The following CSMD1 variants were observed in gnomAD, a reference collection of about 807,000 sequenced individuals.
CSMD1 encodes CUB and Sushi multiple domains 1.
In CSMD1, 213 loss-of-function variants were observed where a neutral mutation model predicts 417.5. The ratio of observed to expected loss-of-function variants is 0.51; its 90% CI spans 0.46 to 0.57. The LOEUF (loss-of-function observed/expected upper bound fraction) is 0.57, where lower values mean the gene tolerates loss of function less well. CSMD1 is among the 20% of genes least tolerant of loss of function. The pLI is 0.00. For synonymous variants in CSMD1, 2,862 were observed against 1,736.8 expected (o/e 1.65, Z -16.11); for missense variants, 6,923 against 4,529.7 (o/e 1.53, Z -15.17).
intron 5 of CSMD1, among the ~76,000 whole-genome samples, chr8:3,843,000 T>C (rs1803234606): frequency 6.6e-6 from 1 of 152,220 alleles, no homozygotes; most frequent in South Asian, 2.1e-4. Context: ...GTTTGATTTC[T>C]AAAGCAACCC....
At chr8:4,948,458 T>C (rs1010310649) in intron 1 of CSMD1, among the ~76,000 whole-genome samples, 1 of 152,064 alleles carries the variant, frequency 6.6e-6, no homozygotes, top group South Asian at 2.1e-4. Context: ...TTCTTTCTTA[T>C]CCAGTAATCT....
intron 3 of CSMD1, among the ~76,000 whole-genome samples, chr8:4,186,580 G>C (rs764501465): frequency 2.6e-5 from 4 of 152,184 alleles, no homozygotes; most frequent in Admixed American, 6.5e-5. Flanking sequence ...AAGGGTCTCA[G>C]CATTGCTAAT....
chr8:3,572,097 T>C (rs1799968384), intron 10 of CSMD1, among the ~76,000 whole-genome samples: 1 of 152,176 alleles, frequency 6.6e-6, no homozygotes, highest in Non-Finnish European at 1.5e-5. Context: ...TTTGGCTCCA[T>C]CCTGCTAGGG....
intron 5 of CSMD1, among the ~76,000 whole-genome samples, chr8:3,780,144 G>A (rs899282045): frequency 6.6e-6 from 1 of 152,188 alleles, no homozygotes; most frequent in Non-Finnish European, 1.5e-5. Flanking sequence ...TGCCATCGGG[G>A]TGAAACATAG....
intron 3 of CSMD1, among the ~76,000 whole-genome samples, chr8:4,385,778 G>A (rs948496603): frequency 2.6e-5 from 4 of 151,968 alleles, no homozygotes; most frequent in African/African-American, 9.7e-5. Context: ...TGTAATGGTT[G>A]TTTGTATTTG....
At chr8:4,527,306 T>C (rs890788588) in intron 2 of CSMD1, among the ~76,000 whole-genome samples, 2 of 152,206 alleles carry the variant, frequency 1.3e-5, no homozygotes, top group African/African-American at 4.8e-5. Flanking sequence ...GTAGCTGGTA[T>C]ATTGTTATAT....
chr8:4,079,713 G>C (rs1800022143), intron 3 of CSMD1, among the ~76,000 whole-genome samples: 2 of 152,184 alleles, frequency 1.3e-5, no homozygotes, highest in South Asian at 2.1e-4. Context: ...TCTTTCCATA[G>C]TATGAATAGC....
chr8:3,460,249 A>C (rs1383486514), intron 12 of CSMD1, among the ~76,000 whole-genome samples: 1 of 152,164 alleles, frequency 6.6e-6, no homozygotes, highest in Non-Finnish European at 1.5e-5. Flanking sequence ...GAGTCCATAG[A>C]AGAATGATCC....
chr8:3,176,553 T>G lies in CSMD1; in HGVS notation c.5725+4557A>C, dbSNP rs1226455942. Among the ~76,000 whole-genome samples the G allele has an allele frequency of 3.9e-5, 6 of 152,248 alleles. No individual in the cohort carries two copies. The East Asian group carries it at 1.2e-3, about 29-fold the overall frequency. Reference sequence around the variant, plus strand: ...TCTCTAGAGTAATTTTAAAACCTACTAGAGAAATTTTCAGATCCTTACATT... The same window carrying G: ...TCTCTAGAGTAATTTTAAAACCTACGAGAGAAATTTTCAGATCCTTACATT... On this transcript the variant is annotated intron_variant, in intron 37 of 69. Coordinates refer to ENST00000635120, the MANE Select transcript of CSMD1 (RefSeq NM_033225.6).
intron 7 of CSMD1, among the ~76,000 whole-genome samples, chr8:3,624,266 G>A (rs937694100): frequency 6.6e-6 from 1 of 152,114 alleles, no homozygotes; most frequent in East Asian, 1.9e-4. Context: ...CCATCTGTTA[G>A]CAAATTTCCT....
chr8:4,786,278 C>G (rs1227272346), intron 1 of CSMD1, among the ~76,000 whole-genome samples: 1 of 152,062 alleles, frequency 6.6e-6, no homozygotes, highest in East Asian at 1.9e-4. Context: ...TTTCTTCTTT[C>G]TTTGTTCTAG....
rs893604323 is a variant in CSMD1 at position 3,223,770 on chromosome 8, T to C, written c.4443A>G (p.Val1481=). ...YPPGKECDWR[V]KVNPDFVIAL... ...CGATGACAAAGTCCGGGTTCACTTT[T>C]ACTCTCCAGTCACATTCCTTCCCAG... Residue 1481 remains valine (V), a synonymous_variant, in exon 28 of 70, where the codon GTA becomes GTG. Transcript: ENST00000635120. The C allele has an allele frequency of 6.2e-7, 1 of 1,613,962 alleles. No individual in the cohort carries two copies. The highest frequency in any genetic ancestry group is 8.5e-7 in the Non-Finnish European group (1 of 1,179,846).
chr8:3,243,087 G>C (rs1354814383), intron 26 of CSMD1, among the ~76,000 whole-genome samples: 5 of 152,176 alleles, frequency 3.3e-5, no homozygotes, highest in African/African-American at 1.2e-4. Context: ...AGAAGGGAGA[G>C]ATTGAAGGGT....
chr8:3,134,912 G>A lies in CSMD1; in HGVS notation c.6241+7553C>T, dbSNP rs554801420. On this transcript the variant is annotated intron_variant, in intron 41 of 69. Transcript: ENST00000635120. Reference sequence around the variant, plus strand: ...GTGGCGCAGAGTGAGCACACCATACGTAACAGTTATTATTGTCATTATTAT... The same window carrying A: ...GTGGCGCAGAGTGAGCACACCATACATAACAGTTATTATTGTCATTATTAT... 1.1e-4 allele frequency among the ~76,000 whole-genome samples: 17 copies of A among 152,250 alleles called. 1 individual carries two copies. The South Asian group carries it at 3.1e-3, about 28-fold the overall frequency.
chr8:4,494,783 C>G (rs768132655), intron 2 of CSMD1, among the ~76,000 whole-genome samples: 37 of 152,062 alleles, frequency 2.4e-4, no homozygotes, highest in Non-Finnish European at 5.0e-4. Context: ...ATGATTATAT[C>G]TTTCTATAAT....
chr8:3,919,073 A>T (rs1189485912), intron 5 of CSMD1, among the ~76,000 whole-genome samples: 1 of 151,462 alleles, frequency 6.6e-6, no homozygotes, highest in African/African-American at 2.4e-5. Flanking sequence ...CTCCCATTCC[A>T]TAGGGTGATT....
intron 49 of CSMD1, among the ~76,000 whole-genome samples, 178 bp downstream of exon 49, chr8:3,086,919 A>C (rs1279651833): frequency 6.6e-6 from 1 of 152,312 alleles, no homozygotes; most frequent in Non-Finnish European, 1.5e-5. Context: ...AGGCTATACA[A>C]CTACATGTCA....
chr8:4,041,026 T>A (rs1424492688), intron 3 of CSMD1, among the ~76,000 whole-genome samples: 1 of 144,192 alleles, frequency 6.9e-6, no homozygotes, highest in Non-Finnish European at 1.5e-5. Flanking sequence ...CCTTTTTTTT[T>A]TTTTTTTTGA....
chr8:4,960,877 A>T (rs1809431084), intron 1 of CSMD1, among the ~76,000 whole-genome samples: 1 of 152,168 alleles, frequency 6.6e-6, no homozygotes, highest in Non-Finnish European at 1.5e-5. Flanking sequence ...TTATTTTTAA[A>T]AGATTCCTCA....
Sources: gnomAD v4.1 joint callset for allele counts (sites outside exome capture counted in the v4.1 genomes callset) on GRCh38, gnomAD v4.1.1 for gene constraint, MANE v1.5 for transcripts, NCBI Gene and HGNC (gene_info 2026-07-23, HGNC 2026-07-21) for gene names.